Variants in ARHGEF7 observed in about 807,000 individuals in gnomAD.
ARHGEF7 encodes PAK-interacting exchange factor beta.
Under a neutral mutation model 109.8 loss-of-function variants are expected in ARHGEF7, and 33 were observed. The ratio of observed to expected loss-of-function variants is 0.30; its 90% CI spans 0.23 to 0.40. The LOEUF is 0.40. Among genes scored for constraint, ARHGEF7 ranks in the 10% least tolerant of loss-of-function variants. The pLI, the probability that ARHGEF7 is intolerant of heterozygous loss-of-function variation, is 1.00. For missense variants in ARHGEF7, 938 were observed against 1,098.5 expected (o/e 0.85, Z 2.07); for synonymous variants, 458 against 424.6 (o/e 1.08, Z -0.97).
At chr13:111,168,843 C>G (rs552229461) in intron 2 of ARHGEF7, among the ~76,000 whole-genome samples, 10 of 152,172 alleles carry the variant, frequency 6.6e-5, no homozygotes, top group Non-Finnish European at 1.3e-4. Flanking sequence ...GATGACTGAT[C>G]GCCAGTGAAG....
chr13:111,193,728 C>T (rs1594547856), intron 2 of ARHGEF7, among the ~76,000 whole-genome samples: 1 of 152,290 alleles, frequency 6.6e-6, no homozygotes, highest in East Asian at 1.9e-4. Flanking sequence ...CATAACCTGC[C>T]CTTTGTATTC....
intron 2 of ARHGEF7, among the ~76,000 whole-genome samples, chr13:111,196,073 G>A (rs9522155): frequency 0.4 from 61,314 of 152,070 alleles, 12,862 homozygotes; most frequent in Non-Finnish European, 0.46. Context: ...CTAGGGAGTC[G>A]GGTGACAGGG....
intron 1 of ARHGEF7, among the ~76,000 whole-genome samples, chr13:111,123,054 A>G (rs1247356614): frequency 6.6e-6 from 1 of 152,188 alleles, no homozygotes; most frequent in East Asian, 1.9e-4. Flanking sequence ...CAACCCTCCC[A>G]TGCCCCTGGC....
intron 19 of ARHGEF7, chr13:111,293,447 A>C (rs879107326): frequency 3.0e-6 from 3 of 985,202 alleles, no homozygotes; most frequent in South Asian, 4.7e-5. Context: ...AAAAAAAAAA[A>C]AAAAAAACTC....
chr13:111,192,246 G>A (rs2079978019), intron 2 of ARHGEF7, among the ~76,000 whole-genome samples: 1 of 152,098 alleles, frequency 6.6e-6, no homozygotes, highest in Admixed American at 6.5e-5. Flanking sequence ...TTCCACTCCT[G>A]CCACCTTAAC....
chr13:111,153,949 C>G lies in ARHGEF7; in HGVS notation c.210C>G (p.Ile70Met). Residue 70 changes from isoleucine (I) to methionine (M), a missense_variant, in exon 2 of 22, where the codon ATC becomes ATG. Coordinates refer to ENST00000646102, the MANE Select transcript of ARHGEF7 (RefSeq NM_001354046.2). ...PRSESECLSNIREFLRGCGAS... is the reference protein window; with the variant it reads ...PRSESECLSNMREFLRGCGAS... Reference sequence around the variant, plus strand: ...GCGAGAGCGAGTGCCTGAGCAACATCCGCGAGTTCCTGCGCGGCTGCGGGG... The same window carrying G: ...GCGAGAGCGAGTGCCTGAGCAACATGCGCGAGTTCCTGCGCGGCTGCGGGG... 1.2e-6 allele frequency: 2 copies of G among 1,605,460 alleles called. No homozygotes were observed. The highest frequency in any genetic ancestry group is 1.7e-6 in the Non-Finnish European group (2 of 1,177,342).
At chr13:111,200,226 A>G (rs565940009) in intron 2 of ARHGEF7, among the ~76,000 whole-genome samples, 6 of 150,730 alleles carry the variant, frequency 4.0e-5, no homozygotes, top group Middle Eastern at 3.4e-3. Context: ...TGCATCCTTC[A>G]TTTTCCTCCC....
chr13:111,154,139 C>T (rs1375881167), intron 2 of ARHGEF7, 148 bp downstream of exon 2: 1 of 863,222 alleles, frequency 1.2e-6, no homozygotes, highest in Non-Finnish European at 1.7e-6. Flanking sequence ...ATGTGTGGAA[C>T]GGGGCGTTGC....
intron 2 of ARHGEF7, among the ~76,000 whole-genome samples, chr13:111,203,881 G>A (rs550008981): frequency 3.9e-5 from 6 of 152,334 alleles, no homozygotes; most frequent in African/African-American, 1.4e-4. Context: ...GCAGCATGCG[G>A]TGCCTGCAGG....
At chr13:111,126,795 A>G (rs944486145) in intron 1 of ARHGEF7, among the ~76,000 whole-genome samples, 8 of 152,222 alleles carry the variant, frequency 5.3e-5, no homozygotes, top group Admixed American at 2.6e-4. Context: ...AATTCCTCAA[A>G]TGAAATTCTG....
At position 111,220,250 on chromosome 13, in the gene ARHGEF7, G is replaced by A. The variant is rs577970731; in HGVS notation, c.670+2370G>A. 5.3e-5 allele frequency among the ~76,000 whole-genome samples: 8 copies of A among 152,334 alleles called. No homozygotes were observed. In the East Asian group the frequency reaches 1.2e-3, roughly 22 times the overall value. On this transcript the variant is annotated intron_variant, in intron 5 of 21. Coordinates refer to ENST00000646102, the MANE Select transcript of ARHGEF7 (RefSeq NM_001354046.2). ...GGGCAGAGGAAGGAGGACCTCGTTC[G>A]TTGCTCACCTTTGCCAAGGAGAGTT...
intron 3 of ARHGEF7, among the ~76,000 whole-genome samples, chr13:111,206,917 G>A (rs1005461643): frequency 5.6e-5 from 8 of 142,454 alleles, no homozygotes; most frequent in African/African-American, 1.3e-4. Flanking sequence ...AGCCGAGATC[G>A]CGCCACTGCA....
intron 8 of ARHGEF7, among the ~76,000 whole-genome samples, chr13:111,248,393 C>A (rs10851260): frequency 0.18 from 27,042 of 152,042 alleles, 3,267 homozygotes; most frequent in East Asian, 0.68. Flanking sequence ...TCTGACTTCT[C>A]GAACTTGAAA....
chr13:111,135,106 TTGTAGATG>T (rs1276849353), intron 1 of ARHGEF7, among the ~76,000 whole-genome samples: 1 of 152,194 alleles, frequency 6.6e-6, no homozygotes, highest in Admixed American at 6.5e-5. Context: ...GATCAGATAG[TTGTAGATG>T]TGTGGTATTA....
rs1195250711 is a variant in ARHGEF7 at position 111,221,363 on chromosome 13, ATC to A, written c.670+3485_670+3486del. On this transcript the variant is annotated intron_variant, in intron 5 of 21. Coordinates refer to ENST00000646102, the MANE Select transcript of ARHGEF7 (RefSeq NM_001354046.2). The stretch of plus-strand genomic sequence containing the variant: ...TATCTATATATATGTCTATATATAT[ATC>A]TATATATATATCTATATATATAGAT... 3.9e-4 allele frequency among the ~76,000 whole-genome samples: 14 copies of A among 35,938 alleles called. 3 individuals are homozygous for A. Among genetic ancestry groups the A allele is most frequent in the Non-Finnish European group, 7.6e-4 (13 of 17,190 alleles). 23.6% of individuals were successfully genotyped at this position (35,938 alleles called of 152,430 possible).
At chr13:111,211,475 T>G (rs1001399821) in intron 4 of ARHGEF7, among the ~76,000 whole-genome samples, 1 of 152,208 alleles carries the variant, frequency 6.6e-6, no homozygotes, top group Non-Finnish European at 1.5e-5. Flanking sequence ...ATGTAATGTT[T>G]GTTGGTAATG....
At chr13:111,185,037 T>C (rs1490563670) in intron 2 of ARHGEF7, 1 of 152,220 alleles carries the variant, frequency 6.6e-6, no homozygotes, top group Non-Finnish European at 1.5e-5. Context: ...GAGACTGTTG[T>C]GTGGGCCTAG....
chr13:111,250,747 C>T (rs1331459705), intron 8 of ARHGEF7, among the ~76,000 whole-genome samples: 5 of 152,152 alleles, frequency 3.3e-5, no homozygotes, highest in African/African-American at 1.2e-4. Flanking sequence ...TGACTCCCTT[C>T]AGGTTTGATA....
At chr13:111,172,123 A>G (rs939568613) in intron 2 of ARHGEF7, among the ~76,000 whole-genome samples, 2 of 152,146 alleles carry the variant, frequency 1.3e-5, no homozygotes, top group African/African-American at 4.8e-5. Context: ...CGTAATCTTG[A>G]CGAGGGGCTG....
Sources: allele counts gnomAD v4.1 joint callset (sites outside exome capture counted in the v4.1 genomes callset), GRCh38; gene constraint gnomAD v4.1.1; transcripts MANE v1.5; gene names NCBI Gene and HGNC (gene_info 2026-07-23, HGNC 2026-07-21).